The following SLC10A1 variants were observed in gnomAD, a reference collection of about 807,000 sequenced individuals.
SLC10A1 encodes the protein solute carrier family 10 member 1.
Under a neutral mutation model 20.5 loss-of-function variants are expected in SLC10A1, and 36 were observed. The ratio of observed to expected loss-of-function variants is 1.75; its 90% CI spans 1.34 to 2.32. The LOEUF is 2.32. Among genes scored for constraint, SLC10A1 ranks in the 30% most tolerant of loss-of-function variants. The probability of loss-of-function intolerance (pLI) is 0.00; values close to 1 mark genes in which losing one functional copy is unlikely to be tolerated. For missense variants in SLC10A1, 545 were observed against 439.1 expected, an observed-to-expected ratio of 1.24 and a Z score of -2.16; for synonymous variants, 188 against 163.6, an observed-to-expected ratio of 1.15 and a Z score of -1.14.
intron 1 of SLC10A1, among the ~76,000 whole-genome samples, chr14:69,793,642 C>T (rs1882326439): frequency 6.6e-6 from 1 of 152,188 alleles, no homozygotes; most frequent in African/African-American, 2.4e-5. Context: ...GAGCTTCCTA[C>T]ATCATGGCTG....
intron 2 of SLC10A1, among the ~76,000 whole-genome samples, chr14:69,782,688 G>A (rs1277976279): frequency 1.3e-5 from 2 of 151,982 alleles, no homozygotes; most frequent in African/African-American, 4.8e-5. Context: ...GGCGCCTGTA[G>A]TCCCAGCTAC....
chr14:69,784,246 A>G (rs187247114), intron 2 of SLC10A1, among the ~76,000 whole-genome samples: 3 of 152,348 alleles, frequency 2.0e-5, no homozygotes, highest in Non-Finnish European at 4.4e-5. Flanking sequence ...AGCAGAGCTT[A>G]GAGTCACTAA....
At chr14:69,795,245 C>T (rs1044680622) in intron 1 of SLC10A1, among the ~76,000 whole-genome samples, 2 of 152,114 alleles carry the variant, frequency 1.3e-5, no homozygotes, top group African/African-American at 4.8e-5. Context: ...AATACCTTTC[C>T]GTGGGTGATG....
intron 2 of SLC10A1, among the ~76,000 whole-genome samples, chr14:69,785,752 C>T (rs948712412): frequency 2.7e-5 from 4 of 149,794 alleles, no homozygotes; most frequent in Non-Finnish European, 4.4e-5. Context: ...CACTCGCTAC[C>T]ATGCCCGGCT....
intron 2 of SLC10A1, among the ~76,000 whole-genome samples, chr14:69,780,662 T>C (rs990881897): frequency 2.0e-5 from 3 of 152,244 alleles, no homozygotes; most frequent in Non-Finnish European, 4.4e-5. Context: ...GCAACTGATA[T>C]GATCATATAA....
rs4646295 is a variant in SLC10A1, at chr14:69,776,994, G to T, written c.944-606C>A. 1.4e-4 allele frequency among the ~76,000 whole-genome samples: 22 copies of T among 152,298 alleles called. No homozygotes were observed. In the East Asian group the frequency reaches 2.9e-3, roughly 20 times the overall value. ...TAGGTCCAAAGAAATACGTTGCTTT[G>T]ATTTAGTGTTTCCACTGGGGTCTTC... is the stretch of plus-strand genomic sequence containing the variant. On this transcript the variant is annotated intron_variant, in intron 4 of 4. Transcript: ENST00000216540.
chr14:69,781,705 G>T (rs1257823879), intron 2 of SLC10A1, among the ~76,000 whole-genome samples: 1 of 152,166 alleles, frequency 6.6e-6, no homozygotes, highest in Non-Finnish European at 1.5e-5. Flanking sequence ...GGTGAAAGTG[G>T]CTCCTGGACC....
chr14:69,776,759 C>T (rs974768431), intron 4 of SLC10A1, among the ~76,000 whole-genome samples: 1 of 152,208 alleles, frequency 6.6e-6, no homozygotes, highest in South Asian at 2.1e-4. Context: ...AAGAGAGTTT[C>T]CAGTTCTTCC....
At chr14:69,796,246 A>G (rs569028145) in intron 1 of SLC10A1, among the ~76,000 whole-genome samples, 6 of 152,194 alleles carry the variant, frequency 3.9e-5, no homozygotes, top group Non-Finnish European at 7.3e-5. Context: ...GTGCCTTTGC[A>G]TGGAAATGTC....
Position 69,786,234 on chromosome 14 carries a change from C to A in SLC10A1, c.430G>T (p.Gly144Trp). ...TCCTTCAGGTCCCCATCATAGATCC[C>A]CCTGGAGTAGATGTACAGGAGGAGA... Reference protein sequence around the residue: ...MPLLLYIYSRGIYDGDLKDKV... With the variant: ...MPLLLYIYSRWIYDGDLKDKV... The change falls in exon 2 of 5, where the codon GGG becomes TGG. Residue 144 changes from glycine to tryptophan, a missense_variant. By Grantham distance (184) the Gly-to-Trp change is radical (BLOSUM62 -2). Transcript: ENST00000216540. 6.2e-7 allele frequency: 1 copy of A among 1,613,954 alleles called. No homozygotes were observed. Among genetic ancestry groups the A allele is most frequent in the Non-Finnish European group, 8.5e-7 (1 of 1,179,946 alleles).
chr14:69,791,832 A>G (rs1446492473), intron 1 of SLC10A1, among the ~76,000 whole-genome samples: 2 of 152,240 alleles, frequency 1.3e-5, no homozygotes, highest in African/African-American at 4.8e-5. Flanking sequence ...AGATAAAATT[A>G]GTTCATGCCA....
At chr14:69,791,255 G>A (rs1883831753) in intron 1 of SLC10A1, among the ~76,000 whole-genome samples, 1 of 151,514 alleles carries the variant, frequency 6.6e-6, no homozygotes, top group African/African-American at 2.4e-5. Context: ...CTTGAAAGGT[G>A]ATACTGAAAC....
chr14:69,778,551 CA>C, intron 3 of SLC10A1, 22 bp from the exon 4 acceptor site: 1 of 1,567,262 alleles, frequency 6.4e-7, no homozygotes, highest in Non-Finnish European at 8.6e-7. Context: ...AAGAAAACCC[CA>C]CATACACTCA....
chr14:69,792,200 C>T (rs1325848978), intron 1 of SLC10A1, among the ~76,000 whole-genome samples: 1 of 151,806 alleles, frequency 6.6e-6, no homozygotes, highest in Non-Finnish European at 1.5e-5. Flanking sequence ...TAAAGAAACC[C>T]CTAAAAAACA....
rs149337859 is a variant in SLC10A1, at chr14:69,779,700, T to C, written c.568-340A>G. Among the ~76,000 whole-genome samples the C allele has an allele frequency of 2.2e-3, 337 of 152,282 alleles. 2 individuals carry two copies. The highest frequency in any genetic ancestry group is 7.4e-3 in the African/African-American group (308 of 41,560). ...GATTTCGTATCAGTAGCTAGGAAGC[T>C]TGGGGACAGCTGATTAACACTTTGA... On this transcript the variant is annotated intron_variant, in intron 2 of 4. Transcript: ENST00000216540.
rs149272163 is a variant in SLC10A1, at chr14:69,776,375, C to T, written c.957G>A (p.Met319Ile). 1.5e-4 allele frequency: 249 copies of T among 1,613,314 alleles called. No homozygotes were observed. In the African/African-American group the frequency reaches 1.8e-3, roughly 12 times the overall value. The change falls in exon 5 of 5, where the codon ATG (methionine) becomes ATA (isoleucine). Residue 319 changes from methionine (M) to isoleucine (I), a missense_variant. Transcript: ENST00000216540. Reference sequence around the variant, plus strand: ...CTTCAGTTGTGGCAGCTGTGTAGATCATTTTTGTTTTATCTGTAAAGTTAA... The same window carrying T: ...CTTCAGTTGTGGCAGCTGTGTAGATTATTTTTGTTTTATCTGTAAAGTTAA... The part of the protein sequence containing the change: ...KFKTPKDKTK[M>I]IYTAATTEET...
Position 69,776,237 on chromosome 14 carries a change from T to C in SLC10A1, c.*45A>G. 6.8e-7 allele frequency: 1 copy of C among 1,462,536 alleles called. No individual in the cohort carries two copies. The highest frequency in any genetic ancestry group is 9.5e-7 in the Non-Finnish European group (1 of 1,049,964). 90.6% of individuals were successfully genotyped at this position (1,462,536 alleles called of 1,614,324 possible). ...CTCTCTCTAGTTTACCACACTGGCTTTCAGAATTGCTTTGGGACCAGAATC... is the reference window on the plus strand; with the variant it reads ...CTCTCTCTAGTTTACCACACTGGCTCTCAGAATTGCTTTGGGACCAGAATC... On this transcript the variant is annotated 3_prime_UTR_variant, in exon 5 of 5. Coordinates refer to ENST00000216540, the MANE Select transcript of SLC10A1 (RefSeq NM_003049.4).
intron 1 of SLC10A1, among the ~76,000 whole-genome samples, chr14:69,795,569 T>G (rs1283392534): frequency 6.6e-6 from 1 of 152,006 alleles, no homozygotes; most frequent in Admixed American, 6.6e-5. Flanking sequence ...TATGCCTGGC[T>G]AATTAAATAT....
chr14:69,790,698 A>T (rs1883815454), intron 1 of SLC10A1, among the ~76,000 whole-genome samples: 1 of 152,100 alleles, frequency 6.6e-6, no homozygotes, highest in Non-Finnish European at 1.5e-5. Context: ...TGGTAAATAG[A>T]GGGATTTTCT....
Sources: gnomAD v4.1 joint callset for allele counts (sites outside exome capture counted in the v4.1 genomes callset) on GRCh38, gnomAD v4.1.1 for gene constraint, MANE v1.5 for transcripts, NCBI Gene and HGNC (gene_info 2026-07-23, HGNC 2026-07-21) for gene names.